The following POLE2 variants were observed in gnomAD, a reference collection of about 807,000 sequenced individuals.
POLE2 encodes the protein DNA polymerase epsilon subunit 2.
In POLE2, 56 loss-of-function variants were observed where a neutral mutation model predicts 79.4. The ratio of observed to expected loss-of-function variants is 0.71; its 90% CI spans 0.57 to 0.88. POLE2 has a LOEUF of 0.88. POLE2 is among the 40% of genes least tolerant of loss of function. The pLI is 0.00. For missense variants in POLE2, 598 were observed against 638.9 expected, an observed-to-expected ratio of 0.94 and a Z score of 0.69; for synonymous variants, 212 against 214.0, an observed-to-expected ratio of 0.99 and a Z score of 0.08.
chr14:49,682,485 A>G (rs1237495693), intron 2 of POLE2, among the ~76,000 whole-genome samples: 6 of 151,442 alleles, frequency 4.0e-5, no homozygotes, highest in South Asian at 4.2e-4. Flanking sequence ...AAAAATACAA[A>G]AATTAGCCAG....
intron 18 of POLE2, 68 bp from the exon 19 acceptor site, chr14:49,643,738 AT>A (rs565948826): frequency 2.4e-4 from 187 of 770,708 alleles, no homozygotes; most frequent in African/African-American, 2.4e-3. Flanking sequence ...GTTGTAGTTA[AT>A]TTTTTTAAAT....
chr14:49,664,159 G>C (rs1885301408), intron 9 of POLE2, among the ~76,000 whole-genome samples: 1 of 151,910 alleles, frequency 6.6e-6, no homozygotes. Flanking sequence ...AACCAGCCTG[G>C]GCAACATGGT....
At chr14:49,675,002 A>T (rs1160543150) in intron 3 of POLE2, among the ~76,000 whole-genome samples, 1 of 152,214 alleles carries the variant, frequency 6.6e-6, no homozygotes, top group Non-Finnish European at 1.5e-5. Context: ...TAAGAATTTC[A>T]TCTGTTGAAA....
intron 1 of POLE2, chr14:49,684,457 TC>T (rs1168069360): frequency 1.3e-5 from 2 of 148,310 alleles, no homozygotes; most frequent in East Asian, 4.0e-4. Flanking sequence ...AGAGCGAGAC[TC>T]CGTCTCAAAA....
Position 49,647,296 on chromosome 14 carries a change from T to C in POLE2, c.1562A>G (p.Asp521Gly). 1.3e-6 allele frequency: 2 copies of C among 1,502,572 alleles called. No individual in the cohort carries two copies. Among genetic ancestry groups the C allele is most frequent in the Non-Finnish European group, 1.8e-6 (2 of 1,092,684 alleles). The allele number at this position is 1,502,572 out of a possible 1,614,324, so 93.1% of individuals were successfully genotyped here. A position where few individuals can be genotyped will look rare whatever the true frequency, so the allele number is the denominator to read the frequency against. The change falls in exon 18 of 19, where the codon GAT (aspartate) becomes GGT (glycine). Residue 521 changes from aspartate (D) to glycine (G), a missense_variant. Coordinates refer to ENST00000216367, the MANE Select transcript of POLE2 (RefSeq NM_002692.4). The part of the protein sequence containing the change: ...VFYPSNKTVE[D>G]SKLQGF ...CTGTGTCTGTGCACACACTTACCTA[T>C]CTTCTACTGTCTTATTAGAAGGATA...
At chr14:49,662,921 T>C (rs1425474531) in intron 10 of POLE2, among the ~76,000 whole-genome samples, 1 of 152,250 alleles carries the variant, frequency 6.6e-6, no homozygotes, top group Non-Finnish European at 1.5e-5. Flanking sequence ...CTTTCACTTA[T>C]ATTAAGGAGC....
intron 17 of POLE2, among the ~76,000 whole-genome samples, chr14:49,649,738 C>T (rs767813694): frequency 1.2e-4 from 18 of 152,172 alleles, no homozygotes; most frequent in Non-Finnish European, 2.4e-4. Flanking sequence ...TGTGAGCCAC[C>T]ATACCTGGCC....
chr14:49,665,374 T>G (rs992933563), intron 7 of POLE2, among the ~76,000 whole-genome samples: 11 of 152,174 alleles, frequency 7.2e-5, no homozygotes, highest in African/African-American at 1.2e-4. Context: ...ACAGGTACAA[T>G]GGAGAATGAC....
In POLE2 at chr14:49,650,338, G is replaced by A; in HGVS notation, c.1424C>T (p.Pro475Leu). The A allele has an allele frequency of 6.2e-7, 1 of 1,611,406 alleles. No homozygotes were observed. The highest frequency in any genetic ancestry group is 8.5e-7 in the Non-Finnish European group (1 of 1,178,452). Residue 475 changes from proline to leucine, a missense_variant, in exon 17 of 19, where the codon CCC becomes CTC. Physicochemically the swap from Pro to Leu is moderately conservative, Grantham distance 98. Transcript: ENST00000216367. ...YDYALRVYPV[P>L]DLLVIADKYD... Reference sequence around the variant, plus strand: ...TTTGTCTGCAATGACAAGTAGATCGGGCACAGGATACACTCTCAAAGCATA... The same window carrying A: ...TTTGTCTGCAATGACAAGTAGATCGAGCACAGGATACACTCTCAAAGCATA...
rs1311093862 is a variant in POLE2 at position 49,665,173 on chromosome 14, T to G, written c.577-10A>C. ...CCAGAAAAAATTTTCCCTAAAAAAA[T>G]GAAAATAAATAAATCCACATTTATG... On this transcript the variant is annotated splice_polypyrimidine_tract_variant and intron_variant, in intron 7 of 18. Coordinates refer to ENST00000216367, the MANE Select transcript of POLE2 (RefSeq NM_002692.4). 1 of 1,184,544 alleles carries G rather than the reference T, an allele frequency of 8.4e-7. No individual in the cohort carries two copies. Among genetic ancestry groups the G allele is most frequent in the Non-Finnish European group, 1.3e-6 (1 of 796,820 alleles). The allele number at this position is 1,184,544 out of a possible 1,614,324, so 73.4% of individuals were successfully genotyped here. A position where few individuals can be genotyped will look rare whatever the true frequency, so the allele number is the denominator to read the frequency against.
At chr14:49,649,248 G>A (rs1010199811) in intron 17 of POLE2, among the ~76,000 whole-genome samples, 6 of 138,626 alleles carry the variant, frequency 4.3e-5, no homozygotes, top group Admixed American at 3.2e-4. Context: ...CCGGGTTCAC[G>A]CCATTCTCCT....
At chr14:49,681,856 G>A (rs957847501) in intron 2 of POLE2, 1 of 152,894 alleles carries the variant, frequency 6.5e-6, no homozygotes, top group East Asian at 1.9e-4. Flanking sequence ...AAAGGGAGAG[G>A]AGGGAAGCAG....
At chr14:49,677,766 G>A in intron 3 of POLE2, 3 of 1,102,778 alleles carry the variant, frequency 2.7e-6, no homozygotes, top group Non-Finnish European at 1.3e-6. Flanking sequence ...CATTCTTCAG[G>A]AGTGTGGCAG....
chr14:49,677,335 T>C (rs35765360), intron 3 of POLE2: 92,463 of 519,244 alleles, frequency 0.18, 9,770 homozygotes, highest in African/African-American at 0.32. Flanking sequence ...GATGGCAACT[T>C]CCTGACTTAG....
At chr14:49,666,601 A>G (rs886560473) in intron 6 of POLE2, among the ~76,000 whole-genome samples, 188 bp from the exon 7 acceptor site, 2 of 152,204 alleles carry the variant, frequency 1.3e-5, no homozygotes, top group East Asian at 1.9e-4. Context: ...CCTACAAAAA[A>G]GCTGTAAGAT....
At chr14:49,655,445 TATC>T (rs1884585196) in intron 11 of POLE2, among the ~76,000 whole-genome samples, 1 of 141,792 alleles carries the variant, frequency 7.1e-6, no homozygotes, top group East Asian at 1.9e-4. Context: ...AATTCTTACT[TATC>T]ATGACTATAA....
intron 17 of POLE2, among the ~76,000 whole-genome samples, chr14:49,648,855 T>A (rs1883974448): frequency 6.6e-6 from 1 of 152,182 alleles, no homozygotes; most frequent in South Asian, 2.1e-4. Context: ...ATGTTGCCCA[T>A]GCTGGTTGTG....
intron 5 of POLE2, among the ~76,000 whole-genome samples, chr14:49,671,322 A>G (rs1885872683): frequency 6.6e-6 from 1 of 152,142 alleles, no homozygotes; most frequent in Admixed American, 6.6e-5. Flanking sequence ...CAGTGACATA[A>G]AAGACGTACT....
intron 5 of POLE2, 38 bp downstream of exon 5, chr14:49,674,085 T>G (rs1388265046): frequency 9.0e-7 from 1 of 1,109,960 alleles, no homozygotes; most frequent in Non-Finnish European, 1.4e-6. Context: ...TCTCTCATTT[T>G]ACCCAGTATC....
Sources: gnomAD v4.1 joint callset for allele counts (sites outside exome capture counted in the v4.1 genomes callset) on GRCh38, gnomAD v4.1.1 for gene constraint, MANE v1.5 for transcripts, NCBI Gene and HGNC (gene_info 2026-07-23, HGNC 2026-07-21) for gene names.